Variants in ANK1 observed in about 807,000 individuals in gnomAD.
ANK1 encodes the protein ankyrin 1, also known as ankyrin-1.
In ANK1, 51 loss-of-function variants were observed where a neutral mutation model predicts 210.4. That is an observed-to-expected ratio of 0.24 (90% CI 0.19 to 0.31). The LOEUF (loss-of-function observed/expected upper bound fraction) is 0.31. Among genes scored for constraint, ANK1 ranks in the 10% least tolerant of loss-of-function variants. The probability of loss-of-function intolerance (pLI) is 1.00; values close to 1 mark genes in which losing one functional copy is unlikely to be tolerated. For missense variants in ANK1, 2,051 were observed against 2,504.4 expected (o/e 0.82, Z 3.86); for synonymous variants, 967 against 1,025.9 (o/e 0.94, Z 1.10).
chr8:41,768,346 C>T (rs1358238871), intron 1 of ANK1, among the ~76,000 whole-genome samples: 1 of 152,222 alleles, frequency 6.6e-6, no homozygotes, highest in Non-Finnish European at 1.5e-5. Flanking sequence ...ACAGTCAAGA[C>T]ACAATACCAA....
intron 37 of ANK1, among the ~76,000 whole-genome samples, chr8:41,674,925 C>A (rs1193853126): frequency 2.6e-5 from 4 of 152,218 alleles, no homozygotes; most frequent in Admixed American, 2.6e-4. Flanking sequence ...AGTCACTGTA[C>A]ATGAAACTGT....
chr8:41,808,752 C>G (rs1313759445), intron 1 of ANK1, among the ~76,000 whole-genome samples: 2 of 152,082 alleles, frequency 1.3e-5, no homozygotes, highest in African/African-American at 4.8e-5. Context: ...CACACAGATG[C>G]TTCCTAAATT....
At position 41,676,634 on chromosome 8, in the gene ANK1, C is replaced by T. The variant is rs1051843753; in HGVS notation, c.4538-3722G>A. Among the ~76,000 whole-genome samples the T allele has an allele frequency of 2.0e-5, 3 of 152,160 alleles. No homozygotes were observed. In the East Asian group the frequency reaches 5.8e-4, roughly 29 times the overall value. On this transcript the variant is annotated intron_variant, in intron 37 of 42. Coordinates refer to ENST00000289734, the MANE Select transcript of ANK1 (RefSeq NM_000037.4). ...ATGGATTGTGCTTTTGGTGTTGTAT[C>T]TGAGAAATCTTTGCCTTAACCAAGA...
rs886062940 is a variant in ANK1, at chr8:41,690,356, A to T, written c.3985-10T>A. 1.2e-6 allele frequency: 2 copies of T among 1,614,204 alleles called. No individual in the cohort carries two copies. Among genetic ancestry groups the T allele is most frequent in the Non-Finnish European group, 1.7e-6 (2 of 1,180,028 alleles). ...GACTGCTGTCCCTCACCTAAACTCA[A>T]TCACACAAAGGAGAATTCAGGGGCC... On this transcript the variant is annotated splice_polypyrimidine_tract_variant and intron_variant, in intron 32 of 42. Transcript: ENST00000289734.
intron 9 of ANK1, among the ~76,000 whole-genome samples, chr8:41,722,290 A>C (rs1829465085): frequency 6.6e-6 from 1 of 152,254 alleles, no homozygotes; most frequent in African/African-American, 2.4e-5. Flanking sequence ...GGGGACTATG[A>C]ATCATGACCC....
Position 41,702,090 on chromosome 8 carries a change from C to T in ANK1, c.2350G>A (p.Asp784Asn), listed in dbSNP as rs1469797410. The T allele has an allele frequency of 1.2e-6, 2 of 1,614,096 alleles. No homozygotes were observed. Among genetic ancestry groups the T allele is most frequent in the Admixed American group, 1.7e-5 (1 of 60,004 alleles). ...AKRLGYISVT[D>N]VLKVVTDETS... ...TCATCCGTGACGACCTTGAGCACGT[C>T]GGTGACAGAAATGTAGCCCAAGCGC... is the stretch of plus-strand genomic sequence containing the variant. The change falls in exon 21 of 43, where the codon GAC (aspartate) becomes AAC (asparagine). Residue 784 changes from aspartate to asparagine, a missense_variant. Physicochemically the swap from Asp to Asn is conservative, Grantham distance 23. Coordinates refer to ENST00000289734, the MANE Select transcript of ANK1 (RefSeq NM_000037.4).
At chr8:41,766,131 C>T (rs892379664) in intron 1 of ANK1, among the ~76,000 whole-genome samples, 4 of 152,222 alleles carry the variant, frequency 2.6e-5, no homozygotes, top group Non-Finnish European at 5.9e-5. Flanking sequence ...GCTTCTTTAA[C>T]GCAGCCACTG....
Position 41,733,956 on chromosome 8 carries a change from C to A in ANK1, c.228+15G>T. The A allele has an allele frequency of 6.2e-7, 1 of 1,611,922 alleles. No homozygotes were observed. Among genetic ancestry groups the A allele is most frequent in the South Asian group, 1.1e-5 (1 of 91,040 alleles). ...ATTTTCAATGCAAAGCTCCCCCACT[C>A]CCTGTGAGACATACCTTGGTTGTCG... On this transcript the variant is annotated intron_variant, in intron 3 of 42. Transcript: ENST00000289734.
At chr8:41,876,487 A>G (rs1400820879) in intron 1 of ANK1, among the ~76,000 whole-genome samples, 1 of 152,216 alleles carries the variant, frequency 6.6e-6, no homozygotes, top group Admixed American at 6.5e-5. Flanking sequence ...TCAAGGAGGA[A>G]CTGATGACCT....
intron 37 of ANK1, among the ~76,000 whole-genome samples, chr8:41,673,496 C>T (rs1478625119): frequency 6.6e-6 from 1 of 152,206 alleles, no homozygotes; most frequent in African/African-American, 2.4e-5. Flanking sequence ...GGGAAACAAC[C>T]TTCTGGTGTG....
intron 1 of ANK1, among the ~76,000 whole-genome samples, chr8:41,879,662 C>G (rs1173435240): frequency 6.6e-6 from 1 of 152,164 alleles, no homozygotes; most frequent in Non-Finnish European, 1.5e-5. Context: ...TCCAGCCGTC[C>G]TGCTGGCCTG....
At chr8:41,726,007 G>T (rs1234195181) in intron 5 of ANK1, 61 bp from the exon 6 acceptor site, 27 of 1,570,576 alleles carry the variant, frequency 1.7e-5, no homozygotes, top group Non-Finnish European at 2.3e-5. Context: ...CCTTCACACG[G>T]GACACACCCT....
intron 2 of ANK1, among the ~76,000 whole-genome samples, chr8:41,739,826 C>T (rs1024007379): frequency 1.3e-5 from 2 of 152,066 alleles, no homozygotes; most frequent in African/African-American, 4.8e-5. Flanking sequence ...GTGTTCTTGA[C>T]CTCCCTCAAC....
At chr8:41,689,309 T>TG (rs397728760) in intron 33 of ANK1, among the ~76,000 whole-genome samples, 3 of 151,530 alleles carry the variant, frequency 2.0e-5, no homozygotes, top group Non-Finnish European at 4.4e-5. Context: ...TTTTTTTTTT[T>TG]GTACAGACAG....
At chr8:41,712,356 TC>T (rs750865602) in intron 16 of ANK1, among the ~76,000 whole-genome samples, 20 of 152,240 alleles carry the variant, frequency 1.3e-4, no homozygotes, top group Non-Finnish European at 2.6e-4. Flanking sequence ...CAGCCCCCTG[TC>T]CTGCCCAAGG....
At chr8:41,744,764 T>C (rs1182962642) in intron 2 of ANK1, among the ~76,000 whole-genome samples, 1 of 152,210 alleles carries the variant, frequency 6.6e-6, no homozygotes, top group Non-Finnish European at 1.5e-5. Context: ...CTCGATCTCC[T>C]GACCTCGTGA....
At chr8:41,776,360 G>A (rs769436119) in intron 1 of ANK1, among the ~76,000 whole-genome samples, 18 of 152,130 alleles carry the variant, frequency 1.2e-4, no homozygotes, top group African/African-American at 3.6e-4. Context: ...TTTAATGAGC[G>A]GGGATCTGTC....
At chr8:41,755,936 C>T (rs1839036393) in intron 2 of ANK1, among the ~76,000 whole-genome samples, 2 of 152,120 alleles carry the variant, frequency 1.3e-5, no homozygotes, top group Admixed American at 6.5e-5. Context: ...GGTCCACATA[C>T]CTCACTTTCC....
chr8:41,661,534 C>T lies in ANK1; in HGVS notation c.5575G>A (p.Asp1859Asn). Residue 1859 changes from aspartate (D) to asparagine (N), a missense_variant, in exon 42 of 43, where the codon GAC becomes AAC. Around this residue, in one of 6 missense-constraint regions of ANK1, gnomAD observed 496 missense variants for 533.4 expected, o/e 0.93. Coordinates refer to ENST00000289734, the MANE Select transcript of ANK1 (RefSeq NM_000037.4). ...GCCCCCTTCCTGCCCTCTATCAGGTCCGGCTGTAGGCCACTCCCTCTCAGC... is the reference window on the plus strand; with the variant it reads ...GCCCCCTTCCTGCCCTCTATCAGGTTCGGCTGTAGGCCACTCCCTCTCAGC... ...VELRGSGLQP[D>N]LIEGRKGAQI... 5 of 1,614,058 alleles carry T rather than the reference C, an allele frequency of 3.1e-6. No homozygotes were observed. The highest frequency in any genetic ancestry group is 3.4e-6 in the Non-Finnish European group (4 of 1,180,042).
Sources: allele counts gnomAD v4.1 joint callset (sites outside exome capture counted in the v4.1 genomes callset), GRCh38; gene constraint gnomAD v4.1.1; regional missense constraint gnomAD v4.1.1; transcripts MANE v1.5; gene names NCBI Gene and HGNC (gene_info 2026-07-23, HGNC 2026-07-21).